Variants in SATB1 observed in about 807,000 individuals in gnomAD.
SATB1 encodes SATB homeobox 1.
In SATB1, 11 loss-of-function variants were observed where a neutral mutation model predicts 86.9. The observed-to-expected ratio is 0.13, with a 90% CI of 0.08 to 0.21. The LOEUF is 0.21. Ranked by LOEUF, SATB1 falls within the 10% of genes least tolerant of loss-of-function variation. SATB1 has a pLI of 1.00. For missense variants in SATB1, 551 were observed against 937.6 expected (o/e 0.59, Z 5.39); for synonymous variants, 357 against 357.2 (o/e 1.00, Z 0.01).
At chr3:18,362,887 AC>A (rs1429970205) in intron 9 of SATB1, among the ~76,000 whole-genome samples, 6 of 137,282 alleles carry the variant, frequency 4.4e-5, no homozygotes, top group African/African-American at 1.5e-4. Context: ...AAAAACCAAA[AC>A]CCCAAATAAA....
chr3:18,421,685 GT>G (rs991092543), intron 1 of SATB1, among the ~76,000 whole-genome samples: 1 of 152,036 alleles, frequency 6.6e-6, no homozygotes, highest in Non-Finnish European at 1.5e-5. Context: ...GAAGTGAAGG[GT>G]TTTCAAATAT....
intron 5 of SATB1, among the ~76,000 whole-genome samples, chr3:18,397,611 C>T (rs1164060171): frequency 1.3e-5 from 2 of 152,186 alleles, no homozygotes; most frequent in Non-Finnish European, 2.9e-5. Context: ...AATCCAAATA[C>T]ATGAAGATGA....
chr3:18,386,282 C>T lies in SATB1; in HGVS notation c.1419+117G>A, dbSNP rs1407073161. The T allele has an allele frequency of 1.4e-5, 11 of 808,390 alleles. No individual in the cohort carries two copies. Among genetic ancestry groups the T allele is most frequent in the East Asian group, 7.8e-5 (3 of 38,358 alleles). The allele number at this position is 808,390 out of a possible 1,614,324, so 50.1% of individuals were successfully genotyped here. A position where few individuals can be genotyped will look rare whatever the true frequency, so the allele number is the denominator to read the frequency against. On this transcript the variant is annotated intron_variant, in intron 8 of 10. Transcript: ENST00000338745. This position sits in a 1 kb window ranked among gnomAD's most constrained non-coding sequence, Gnocchi z 4.5. Reference sequence around the variant, plus strand: ...ACCAAATTCTCCTCAAGCAACTATACGAATTTAAAAACATATAAATCTATG... The same window carrying T: ...ACCAAATTCTCCTCAAGCAACTATATGAATTTAAAAACATATAAATCTATG...
chr3:18,395,367 TATTC>T (rs1461301676), intron 6 of SATB1, among the ~76,000 whole-genome samples: 10 of 152,214 alleles, frequency 6.6e-5, no homozygotes, highest in African/African-American at 1.4e-4. Flanking sequence ...ATTCTCATGA[TATTC>T]ATTAACTTTA....
chr3:18,345,905 T>G lies in SATB1; in HGVS notation c.*3265A>C, dbSNP rs1420941949. Reference sequence around the variant, plus strand: ...AATAGGGCAGAATTTAATAATGGAATGTATGGGATTCTCATTTTTACTCAA... The same window carrying G: ...AATAGGGCAGAATTTAATAATGGAAGGTATGGGATTCTCATTTTTACTCAA... On this transcript the variant is annotated 3_prime_UTR_variant, in exon 11 of 11. Transcript: ENST00000338745. 6.6e-6 allele frequency: 1 copy of G among 152,152 alleles called. No individual in the cohort carries two copies. Among genetic ancestry groups the G allele is most frequent in the Non-Finnish European group, 1.5e-5 (1 of 67,988 alleles). 9.4% of individuals were successfully genotyped at this position (152,152 alleles called of 1,614,324 possible).
rs1695131164 is a variant in SATB1, at chr3:18,365,307, G to A, written c.1575+12863C>T. On this transcript the variant is annotated intron_variant, in intron 9 of 10. Transcript: ENST00000338745. ...ATAAGATTAGCAGAGTATCCTTTCA[G>A]AAATGTCTACCTGCCAGGAGAACAC... Among the ~76,000 whole-genome samples, 3 of 152,134 alleles carry A rather than the reference G, an allele frequency of 2.0e-5. No homozygotes were observed. The South Asian group carries it at 6.2e-4, about 31-fold the overall frequency.
intron 8 of SATB1, among the ~76,000 whole-genome samples, chr3:18,381,227 A>C (rs1420486952): frequency 6.6e-6 from 1 of 152,214 alleles, no homozygotes; most frequent in African/African-American, 2.4e-5. Context: ...TGCTGTATGC[A>C]TTGAATCATG....
chr3:18,397,304 G>T lies in SATB1; in HGVS notation c.640-14C>A, dbSNP rs375794789. The T allele has an allele frequency of 2.9e-6, 4 of 1,395,200 alleles. No homozygotes were observed. The East Asian group carries it at 6.8e-5, about 24-fold the overall frequency. 86.4% of individuals were successfully genotyped at this position (1,395,200 alleles called of 1,614,324 possible). A position where few individuals can be genotyped will look rare whatever the true frequency, so the allele number is the denominator to read the frequency against. ...AGAAATCATACTCTGCATGAAGAAGGGGGGAGAATATTTGTAATACACAGC... is the reference window on the plus strand; with the variant it reads ...AGAAATCATACTCTGCATGAAGAAGTGGGGAGAATATTTGTAATACACAGC... On this transcript the variant is annotated splice_polypyrimidine_tract_variant and intron_variant, in intron 5 of 10. Transcript: ENST00000338745.
intron 9 of SATB1, among the ~76,000 whole-genome samples, chr3:18,359,976 TC>T (rs1694828761): frequency 6.6e-6 from 1 of 152,086 alleles, no homozygotes. Context: ...ACAACAACAT[TC>T]TTTTTTAATT....
At chr3:18,414,646 T>G (rs1306486772) in intron 5 of SATB1, among the ~76,000 whole-genome samples, 5 of 152,098 alleles carry the variant, frequency 3.3e-5, no homozygotes, top group African/African-American at 1.2e-4. Flanking sequence ...ATACTTTTAA[T>G]TTTTTGGTAA....
At chr3:18,412,004 G>A (rs1055016883) in intron 5 of SATB1, among the ~76,000 whole-genome samples, 3 of 151,146 alleles carry the variant, frequency 2.0e-5, no homozygotes, top group Non-Finnish European at 2.9e-5. Context: ...ACGGAGTCTC[G>A]TTCTGTCACC....
At position 18,363,982 on chromosome 3, in the gene SATB1, T is replaced by C. The variant is rs1029012609; in HGVS notation, c.1576-11787A>G. 4.0e-5 allele frequency among the ~76,000 whole-genome samples: 6 copies of C among 148,808 alleles called. No individual in the cohort carries two copies. In the East Asian group the frequency reaches 1.2e-3, roughly 29 times the overall value. On this transcript the variant is annotated intron_variant, in intron 9 of 10. Transcript: ENST00000338745. ...AAGGTTTCTGTTTTGGTGGTTGTTT[T>C]AAATGTCACTGCATCATTGTTACCT...
chr3:18,393,338 TTTG>T (rs138290887), intron 7 of SATB1, among the ~76,000 whole-genome samples: 51,135 of 151,822 alleles, frequency 0.34, 9,321 homozygotes, highest in Admixed American at 0.46. Context: ...GTTTTTTGGT[TTTG>T]TTGTTGTTTT....
upstream of SATB1, among the ~76,000 whole-genome samples, chr3:18,440,198 T>C (rs912213463): frequency 6.6e-6 from 1 of 152,204 alleles, no homozygotes. Context: ...ATCCTGAGGT[T>C]GCTTTAAGAT....
At chr3:18,366,600 A>T (rs1359283148) in intron 9 of SATB1, among the ~76,000 whole-genome samples, 2 of 152,112 alleles carry the variant, frequency 1.3e-5, no homozygotes, top group Non-Finnish European at 2.9e-5. Context: ...ACCCTACCAC[A>T]TATTAAACCA....
At chr3:18,445,063 C>G (rs1159624607) in intron 1 of SATB1, 1 of 318,208 alleles carries the variant, frequency 3.1e-6, no homozygotes, top group African/African-American at 2.3e-5. Context: ...CCACCCGGGA[C>G]GCGCATCCAG....
At chr3:18,364,643 TG>T (rs1225982678) in intron 9 of SATB1, among the ~76,000 whole-genome samples, 4 of 152,024 alleles carry the variant, frequency 2.6e-5, no homozygotes, top group Non-Finnish European at 5.9e-5. Context: ...AACCCCTAAA[TG>T]GGTGACCCTT....
chr3:18,356,214 A>G (rs1297920444), intron 9 of SATB1, among the ~76,000 whole-genome samples: 1 of 151,954 alleles, frequency 6.6e-6, no homozygotes, highest in Non-Finnish European at 1.5e-5. Flanking sequence ...GTAAACCTAC[A>G]TTTATTGAGA....
At chr3:18,404,430 T>A (rs900309324) in intron 5 of SATB1, among the ~76,000 whole-genome samples, 1 of 152,120 alleles carries the variant, frequency 6.6e-6, no homozygotes, top group Non-Finnish European at 1.5e-5. Context: ...TCTTGATCAA[T>A]CCTAGTGCCT....
Sources: allele counts gnomAD v4.1 joint callset (sites outside exome capture counted in the v4.1 genomes callset), GRCh38; gene constraint gnomAD v4.1.1; non-coding constraint Gnocchi (gnomAD v3.1); transcripts MANE v1.5; gene names NCBI Gene and HGNC (gene_info 2026-07-23, HGNC 2026-07-21).